The following RHOQ variants were observed in gnomAD, a reference collection of about 807,000 sequenced individuals.
The protein encoded by RHOQ is rho-related GTP-binding protein RhoQ.
RHOQ carries 7 observed loss-of-function variants against 25.8 expected under a neutral mutation model. That is an observed-to-expected ratio of 0.27 (90% CI 0.15 to 0.51). The LOEUF (loss-of-function observed/expected upper bound fraction) is 0.51, where lower values mean the gene tolerates loss of function less well. Ranked by LOEUF, RHOQ falls within the 20% of genes least tolerant of loss-of-function variation. The pLI is 0.97. For synonymous variants in RHOQ, 97 were observed against 98.6 expected, an observed-to-expected ratio of 0.98 and a Z score of 0.10; for missense variants, 165 against 260.6, an observed-to-expected ratio of 0.63 and a Z score of 2.53.
rs1442676544 is a variant in RHOQ at position 46,546,496 on chromosome 2, ATATATATATATATATG to A, written c.201+2691_201+2706del. Among the ~76,000 whole-genome samples the A allele has an allele frequency of 7.9e-4, 16 of 20,376 alleles. 1 individual carries two copies. The South Asian group carries it at 0.011, about 14-fold the overall frequency. The allele number at this position is 20,376 out of a possible 152,430, so 13.4% of individuals were successfully genotyped here. A position where few individuals can be genotyped will look rare whatever the true frequency, so the allele number is the denominator to read the frequency against. On this transcript the variant is annotated intron_variant, in intron 2 of 4. Coordinates refer to ENST00000238738, the MANE Select transcript of RHOQ (RefSeq NM_012249.4). ...TATGTGTATATATATATATATATAT[ATATATATATATATATG>A]TATATACATATATATATATACACAA...
chr2:46,570,711 T>C (rs1668885834), intron 2 of RHOQ, among the ~76,000 whole-genome samples: 1 of 152,214 alleles, frequency 6.6e-6, no homozygotes, highest in African/African-American at 2.4e-5. Flanking sequence ...ACACAGAGAA[T>C]TGCTACTGCA....
chr2:46,576,179 T>C lies in RHOQ; in HGVS notation c.294T>C (p.Asn98=). Residue 98 remains asparagine (N), a synonymous_variant, in exon 3 of 5, where the codon AAT becomes AAC. Coordinates refer to ENST00000238738, the MANE Select transcript of RHOQ (RefSeq NM_012249.4). This position sits in a 1 kb window ranked among gnomAD's most constrained non-coding sequence, Gnocchi z 5.1. ...TGGTAAATCCAGCCTCATTTCAAAA[T>C]GTGAAAGAGGAGTGGGTACCGGAAC... ...FSVVNPASFQ[N]VKEEWVPELK... is the part of the protein sequence containing the mutation. 6.2e-7 allele frequency: 1 copy of C among 1,613,520 alleles called. No homozygotes were observed. The highest frequency in any genetic ancestry group is 8.5e-7 in the Non-Finnish European group (1 of 1,179,670).
intron 2 of RHOQ, among the ~76,000 whole-genome samples, chr2:46,570,293 A>G (rs2104017793): frequency 6.6e-6 from 1 of 152,182 alleles, no homozygotes; most frequent in African/African-American, 2.4e-5. Flanking sequence ...ACAAAAAATT[A>G]GCCAGCCATG....
In RHOQ at chr2:46,575,289, T is replaced by C. The variant is rs144501708; in HGVS notation, c.202-798T>C. Among the ~76,000 whole-genome samples the C allele has an allele frequency of 1.8e-3, 277 of 152,162 alleles. 4 individuals carry two copies. Among genetic ancestry groups the C allele is most frequent in the African/African-American group, 6.5e-3 (269 of 41,494 alleles). ...GTGCAGTTACTGGTATATTCATGCA[T>C]AGAAAAAGAACTGGAAGAATAAACA... On this transcript the variant is annotated intron_variant, in intron 2 of 4. Coordinates refer to ENST00000238738, the MANE Select transcript of RHOQ (RefSeq NM_012249.4).
rs1668389780 is a variant in RHOQ, at chr2:46,555,666, G to A, written c.201+11854G>A. Among the ~76,000 whole-genome samples the A allele has an allele frequency of 6.6e-6, 1 of 152,248 alleles. No homozygotes were observed. The highest frequency in any genetic ancestry group is 2.4e-5 in the African/African-American group (1 of 41,464). ...GACAGGCTGCCAGGTCTGTTTGGAT[G>A]AAATACTGGCTATGCGCATGTACTG... On this transcript the variant is annotated intron_variant, in intron 2 of 4. Transcript: ENST00000238738. The surrounding 1 kb of genome is among the most constrained non-coding windows in gnomAD (Gnocchi z 4.3).
At chr2:46,544,968 A>G (rs988650245) in intron 2 of RHOQ, among the ~76,000 whole-genome samples, 1 of 152,220 alleles carries the variant, frequency 6.6e-6, no homozygotes, top group African/African-American at 2.4e-5. Context: ...GGATTTCAGA[A>G]CTGTGATTAG....
Position 46,542,715 on chromosome 2 carries a change from C to A in RHOQ, c.-332C>A, listed in dbSNP as rs1667857204. 6.8e-6 allele frequency: 1 copy of A among 146,832 alleles called. No homozygotes were observed. The highest frequency in any genetic ancestry group is 2.4e-5 in the African/African-American group (1 of 40,914). 9.1% of individuals were successfully genotyped at this position (146,832 alleles called of 1,614,324 possible). A position where few individuals can be genotyped will look rare whatever the true frequency, so the allele number is the denominator to read the frequency against. ...GCCGCCCTCCCCAAAGTTGCCGTCT[C>A]CCCCGGGGCCGGCCGGTCTTATGAT... On this transcript the variant is annotated 5_prime_UTR_variant, in exon 1 of 5. Transcript: ENST00000238738.
chr2:46,547,997 C>T (rs1041272991), intron 2 of RHOQ, among the ~76,000 whole-genome samples: 1 of 152,112 alleles, frequency 6.6e-6, no homozygotes, highest in African/African-American at 2.4e-5. Flanking sequence ...TTATTCAGGT[C>T]CCAGAATATC....
At position 46,566,386 on chromosome 2, in the gene RHOQ, C is replaced by A. The variant is rs1668732053; in HGVS notation, c.202-9701C>A. On this transcript the variant is annotated intron_variant, in intron 2 of 4. Transcript: ENST00000238738. This position sits in a 1 kb window ranked among gnomAD's most constrained non-coding sequence, Gnocchi z 4.2. The stretch of plus-strand genomic sequence containing the variant: ...TGAGTTCTCTCCCTATGGTGCTTCT[C>A]TACCCTACCCTCAGTTTTCTTCATC... Among the ~76,000 whole-genome samples the A allele has an allele frequency of 6.6e-6, 1 of 152,070 alleles. No individual in the cohort carries two copies.
intron 4 of RHOQ, among the ~76,000 whole-genome samples, chr2:46,577,721 T>C (rs1314306279): frequency 6.6e-6 from 1 of 151,732 alleles, no homozygotes; most frequent in Non-Finnish European, 1.5e-5. Flanking sequence ...GGCCCATATA[T>C]AGTCTTTTAA....
At chr2:46,573,335 C>T (rs2104024046) in intron 2 of RHOQ, among the ~76,000 whole-genome samples, 1 of 152,302 alleles carries the variant, frequency 6.6e-6, no homozygotes, top group East Asian at 1.9e-4. Flanking sequence ...GCTGGGATTA[C>T]AGGTGTGGGC....
At chr2:46,579,899 C>T (rs1669286159) in intron 4 of RHOQ, 1 of 152,176 alleles carries the variant, frequency 6.6e-6, no homozygotes, top group South Asian at 2.1e-4. Context: ...TCCCATACCA[C>T]ACATCTAGCC....
At chr2:46,575,395 ATCT>A (rs1157076118) in intron 2 of RHOQ, among the ~76,000 whole-genome samples, 1 of 127,054 alleles carries the variant, frequency 7.9e-6, no homozygotes, top group African/African-American at 3.2e-5. Context: ...TTCTCTTTAA[ATCT>A]TCACACACAC....
intron 2 of RHOQ, among the ~76,000 whole-genome samples, chr2:46,553,435 G>A (rs992196715): frequency 1.3e-5 from 2 of 152,292 alleles, no homozygotes; most frequent in African/African-American, 4.8e-5. Context: ...ACATCATGGA[G>A]AATAGGGTAT....
At chr2:46,575,402 C>A (rs1393370196) in intron 2 of RHOQ, among the ~76,000 whole-genome samples, 1 of 42,768 alleles carries the variant, frequency 2.3e-5, no homozygotes, top group Non-Finnish European at 4.4e-5. Flanking sequence ...TAAATCTTCA[C>A]ACACACACAC....
Position 46,582,346 on chromosome 2 carries a change from A to C in RHOQ, c.*1263A>C, listed in dbSNP as rs1357680026. 6.6e-6 allele frequency: 1 copy of C among 152,082 alleles called. No individual in the cohort carries two copies. The highest frequency in any genetic ancestry group is 1.5e-5 in the Non-Finnish European group (1 of 68,030). The allele number at this position is 152,082 out of a possible 1,614,324, so 9.4% of individuals were successfully genotyped here. A position where few individuals can be genotyped will look rare whatever the true frequency, so the allele number is the denominator to read the frequency against. ...TTCTTCTGTGAAGCTTATTTGGTAC[A>C]CTGGAGCCATTTCTAATCTTTCTCT... On this transcript the variant is annotated 3_prime_UTR_variant, in exon 5 of 5. Coordinates refer to ENST00000238738, the MANE Select transcript of RHOQ (RefSeq NM_012249.4).
In RHOQ at chr2:46,548,331, C is replaced by G. The variant is rs539686929; in HGVS notation, c.201+4519C>G. Among the ~76,000 whole-genome samples, 2 of 152,252 alleles carry G rather than the reference C, an allele frequency of 1.3e-5. No individual in the cohort carries two copies. The highest frequency in any genetic ancestry group is 4.1e-4 in the South Asian group (2 of 4,826). On this transcript the variant is annotated intron_variant, in intron 2 of 4. Coordinates refer to ENST00000238738, the MANE Select transcript of RHOQ (RefSeq NM_012249.4). This position sits in a 1 kb window ranked among gnomAD's most constrained non-coding sequence, Gnocchi z 5.2. ...GAAGGGAATCTCCACCGGAGGCAGG[C>G]TTGGCATGCCCCACCTTCTGCATTT...
At chr2:46,559,997 C>T (rs1668523513) in intron 2 of RHOQ, among the ~76,000 whole-genome samples, 1 of 152,196 alleles carries the variant, frequency 6.6e-6, no homozygotes, top group South Asian at 2.1e-4. Flanking sequence ...GAATAAGTAT[C>T]ATCTGCCTTT....
chr2:46,553,824 A>C (rs1668325753), intron 2 of RHOQ, among the ~76,000 whole-genome samples: 1 of 151,956 alleles, frequency 6.6e-6, no homozygotes, highest in South Asian at 2.1e-4. Context: ...TGATCCGCCC[A>C]CTTCAGCCTC....
Sources: allele counts gnomAD v4.1 joint callset (sites outside exome capture counted in the v4.1 genomes callset), GRCh38; gene constraint gnomAD v4.1.1; non-coding constraint Gnocchi (gnomAD v3.1); transcripts MANE v1.5; gene names NCBI Gene and HGNC (gene_info 2026-07-23, HGNC 2026-07-21).